LDAH: variants seen among roughly 807,000 people sequenced by gnomAD.
LDAH encodes the protein lipid droplet-associated hydrolase.
In LDAH, 26 loss-of-function variants were observed where a neutral mutation model predicts 29.6. The ratio of observed to expected loss-of-function variants is 0.88; its 90% CI spans 0.64 to 1.22. LDAH has a LOEUF of 1.22. LDAH is among the 50% of genes most tolerant of loss of function. The pLI, the probability that LDAH is intolerant of heterozygous loss-of-function variation, is 0.00. For missense variants in LDAH, 344 were observed against 387.3 expected (o/e 0.89, Z 0.94); for synonymous variants, 117 against 133.0 (o/e 0.88, Z 0.83).
At chr2:20,748,401 C>A (rs1667725972) in intron 4 of LDAH, among the ~76,000 whole-genome samples, 1 of 152,180 alleles carries the variant, frequency 6.6e-6, no homozygotes, top group East Asian at 1.9e-4. Flanking sequence ...TGCACAAACA[C>A]CTGAAACTTA....
chr2:20,810,897 A>G (rs1156475860), intron 1 of LDAH, among the ~76,000 whole-genome samples: 1 of 152,126 alleles, frequency 6.6e-6, no homozygotes, highest in East Asian at 1.9e-4. Context: ...TGAGAAACTA[A>G]CGCCCAGTGA....
At chr2:20,702,748 C>G (rs1664035962) in intron 5 of LDAH, among the ~76,000 whole-genome samples, 1 of 152,180 alleles carries the variant, frequency 6.6e-6, no homozygotes. Context: ...AAGGCATGAC[C>G]TTAGCATACT....
chr2:20,738,287 A>G (rs1351213075), intron 5 of LDAH, among the ~76,000 whole-genome samples: 1 of 136,718 alleles, frequency 7.3e-6, no homozygotes, highest in Admixed American at 7.6e-5. Flanking sequence ...TAATAATAAT[A>G]ATATATAGAT....
chr2:20,709,565 A>T (rs1664553836), intron 5 of LDAH, among the ~76,000 whole-genome samples: 2 of 152,210 alleles, frequency 1.3e-5, no homozygotes, highest in African/African-American at 4.8e-5. Context: ...TAGAATTATA[A>T]ACTGGTACAG....
rs368183456 is a variant in LDAH, at chr2:20,747,349, A to G, written c.469-7144T>C. ...TTTGTTTATTAGTTTAACCCACCCA[A>G]TGTATTTATGGCAGGGTGCTTCTCC... On this transcript the variant is annotated intron_variant, in intron 4 of 6. Transcript: ENST00000237822. Among the ~76,000 whole-genome samples the G allele has an allele frequency of 9.1e-4, 138 of 152,200 alleles. 5 individuals are homozygous for G. The South Asian group carries it at 0.011, about 12-fold the overall frequency.
intron 4 of LDAH, among the ~76,000 whole-genome samples, chr2:20,747,805 C>T (rs745916730): frequency 2.6e-5 from 4 of 152,098 alleles, no homozygotes; most frequent in Non-Finnish European, 5.9e-5. Context: ...CACTTATGCA[C>T]TTTATATATA....
At chr2:20,734,731 GTTCT>G (rs1369156195) in intron 5 of LDAH, among the ~76,000 whole-genome samples, 4 of 152,120 alleles carry the variant, frequency 2.6e-5, no homozygotes, top group Non-Finnish European at 5.9e-5. Flanking sequence ...CTTGTTCACT[GTTCT>G]TTCTTTTTGA....
chr2:20,702,534 T>C (rs1664019463), intron 5 of LDAH, among the ~76,000 whole-genome samples: 1 of 152,236 alleles, frequency 6.6e-6, no homozygotes, highest in African/African-American at 2.4e-5. Context: ...TTGCTTTATA[T>C]ACCCTACGCT....
chr2:20,785,762 C>T lies in LDAH; in HGVS notation c.298+4493G>A, dbSNP rs150664746. Among the ~76,000 whole-genome samples, 176 of 152,256 alleles carry T rather than the reference C, an allele frequency of 1.2e-3. 6 individuals carry two copies. The East Asian group carries it at 0.027, about 23-fold the overall frequency. On this transcript the variant is annotated intron_variant, in intron 3 of 6. Transcript: ENST00000237822. ...GGAAAATTTCTATTAACCTATTTTTCCAGCCCACTGATTTTTTCCTCAGCT... is the reference window on the plus strand; with the variant it reads ...GGAAAATTTCTATTAACCTATTTTTTCAGCCCACTGATTTTTTCCTCAGCT...
intron 4 of LDAH, among the ~76,000 whole-genome samples, chr2:20,773,722 G>T (rs1273827222): frequency 6.6e-6 from 1 of 152,070 alleles, no homozygotes; most frequent in Admixed American, 6.6e-5. Flanking sequence ...ATTTCCCAAG[G>T]GCAATTACGA....
At chr2:20,808,327 A>G (rs368136268) in intron 1 of LDAH, among the ~76,000 whole-genome samples, 1 of 152,194 alleles carries the variant, frequency 6.6e-6, no homozygotes. Flanking sequence ...GAAATTGTTA[A>G]GCTAATTCTA....
intron 6 of LDAH, among the ~76,000 whole-genome samples, chr2:20,700,422 G>A (rs528022607): frequency 2.4e-4 from 37 of 152,176 alleles, no homozygotes; most frequent in South Asian, 4.1e-4. Flanking sequence ...TACACTTCTC[G>A]TTTTAAGATA....
intron 4 of LDAH, among the ~76,000 whole-genome samples, chr2:20,764,288 T>TA (rs747481355): frequency 1.4e-4 from 21 of 152,344 alleles, no homozygotes; most frequent in East Asian, 3.9e-4. Flanking sequence ...GTAAGAGACT[T>TA]ACGGTTTTCT....
rs1464870072 is a variant in LDAH at position 20,685,846 on chromosome 2, G to A, written c.*1057C>T. ...TTCACATAACTTAATGGCTGGGTTT[G>A]GTTCATTAACAAAATAATTTCTTTC... is the stretch of plus-strand genomic sequence containing the variant. On this transcript the variant is annotated 3_prime_UTR_variant, in exon 7 of 7. Transcript: ENST00000237822. 1.8e-6 allele frequency: 1 copy of A among 567,476 alleles called. No individual in the cohort carries two copies. Among genetic ancestry groups the A allele is most frequent in the African/African-American group, 1.9e-5 (1 of 51,530 alleles). 35.2% of individuals were successfully genotyped at this position (567,476 alleles called of 1,614,324 possible).
chr2:20,743,642 T>C (rs1558434724), intron 4 of LDAH, among the ~76,000 whole-genome samples: 1 of 152,178 alleles, frequency 6.6e-6, no homozygotes, highest in Non-Finnish European at 1.5e-5. Context: ...ATGAACATTT[T>C]AGTCTTTGTT....
chr2:20,702,301 A>G (rs115563638), intron 5 of LDAH, among the ~76,000 whole-genome samples: 421 of 152,212 alleles, frequency 2.8e-3, no homozygotes, highest in African/African-American at 9.6e-3. Context: ...CCTGAATTCC[A>G]TTTTGGCTGG....
chr2:20,779,761 C>T (rs1243944578), intron 3 of LDAH, among the ~76,000 whole-genome samples: 1 of 151,958 alleles, frequency 6.6e-6, no homozygotes, highest in Admixed American at 6.6e-5. Context: ...TTATATAACT[C>T]TATTTTGCTA....
intron 4 of LDAH, among the ~76,000 whole-genome samples, chr2:20,774,493 C>T (rs539631325): frequency 6.6e-6 from 1 of 152,284 alleles, no homozygotes; most frequent in Non-Finnish European, 1.5e-5. Context: ...CTAGGTCTTA[C>T]CTAGTGACCG....
At chr2:20,738,376 A>ATATATATATATATATATATATATATAT (rs1666949434) in intron 5 of LDAH, among the ~76,000 whole-genome samples, 1 of 151,550 alleles carries the variant, frequency 6.6e-6, no homozygotes, top group African/African-American at 2.4e-5. Flanking sequence ...CTATATATAT[A>ATATATATATATATATATATATATATAT]AGCATTGTAC....
Sources: gnomAD v4.1 joint callset for allele counts (sites outside exome capture counted in the v4.1 genomes callset) on GRCh38, gnomAD v4.1.1 for gene constraint, MANE v1.5 for transcripts, NCBI Gene and HGNC (gene_info 2026-07-23, HGNC 2026-07-21) for gene names.